The following TNFAIP3 variants were observed in gnomAD, a reference collection of about 807,000 sequenced individuals.
TNFAIP3 encodes the protein tumor necrosis factor alpha-induced protein 3.
In TNFAIP3, 9 loss-of-function variants were observed where a neutral mutation model predicts 72.4. The ratio of observed to expected loss-of-function variants is 0.12; its 90% CI spans 0.07 to 0.22. TNFAIP3 has a LOEUF of 0.22. Among genes scored for constraint, TNFAIP3 ranks in the 10% least tolerant of loss-of-function variants. The probability of loss-of-function intolerance (pLI) is 1.00; values close to 1 mark genes in which losing one functional copy is unlikely to be tolerated. For missense variants in TNFAIP3, 833 were observed against 1,018.7 expected (o/e 0.82, Z 2.48); for synonymous variants, 339 against 372.6 (o/e 0.91, Z 1.04).
chr6:137,870,463 C>T (rs377159012), intron 1 of TNFAIP3, among the ~76,000 whole-genome samples: 2 of 152,052 alleles, frequency 1.3e-5, no homozygotes, highest in South Asian at 2.1e-4. Flanking sequence ...AAGTCCGGTG[C>T]GGAGGTTCTG....
chr6:137,879,202 C>T lies in TNFAIP3; in HGVS notation c.1757C>T (p.Ala586Val), dbSNP rs756832433. 1.4e-5 allele frequency: 22 copies of T among 1,614,070 alleles called. 1 individual carries two copies. The South Asian group carries it at 2.4e-4, about 18-fold the overall frequency. Residue 586 changes from alanine to valine, a missense_variant, in exon 7 of 9, where the codon GCC becomes GTC. This residue lies in a region of TNFAIP3 where 587 missense variants were observed against 657.8 expected (regional missense o/e 0.89). Transcript: ENST00000612899. ...PHSCHRAGND[A>V]PAGCLSQAAR... ...TCTTGCCACAGAGCTGGAAACGACG[C>T]CCCTGCTGGCTGCCTGTCTCAAGCT...
At chr6:137,869,083 G>A (rs1385054200) in intron 1 of TNFAIP3, among the ~76,000 whole-genome samples, 3 of 152,192 alleles carry the variant, frequency 2.0e-5, no homozygotes, top group Non-Finnish European at 4.4e-5. Context: ...GTAGCCACAG[G>A]TTTGGTGTTG....
rs775454372 is a variant in TNFAIP3, at chr6:137,877,193, T to C, written c.923T>C (p.Met308Thr). ...GAGAAGCTCTTAAAAGAGTACTTAA[T>C]GGTGATAGAAATCCCCGTCCAAGGC... is the stretch of plus-strand genomic sequence containing the variant. ...MKEKLLKEYL[M>T]VIEIPVQGWD... Residue 308 changes from methionine to threonine, a missense_variant, in exon 6 of 9, where the codon ATG becomes ACG. Around this residue, in one of 2 missense-constraint regions of TNFAIP3, gnomAD observed 587 missense variants for 657.8 expected, o/e 0.89. Coordinates refer to ENST00000612899, the MANE Select transcript of TNFAIP3 (RefSeq NM_001270508.2). The C allele has an allele frequency of 6.2e-7, 1 of 1,614,020 alleles. No individual in the cohort carries two copies. Among genetic ancestry groups the C allele is most frequent in the South Asian group, 1.1e-5 (1 of 91,022 alleles).
chr6:137,878,724 C>T lies in TNFAIP3; in HGVS notation c.1279C>T (p.Pro427Ser). 6.2e-7 allele frequency: 1 copy of T among 1,614,104 alleles called. No homozygotes were observed. Among genetic ancestry groups the T allele is most frequent in the Non-Finnish European group, 8.5e-7 (1 of 1,180,034 alleles). ...CCCAAAGCTGAACTCCAAGCCGGGCCCTGAGGGGCTCCCTGGCATGGCGCT... is the reference window on the plus strand; with the variant it reads ...CCCAAAGCTGAACTCCAAGCCGGGCTCTGAGGGGCTCCCTGGCATGGCGCT... Reference protein sequence around the residue: ...KLPKLNSKPGPEGLPGMALGA... With the variant: ...KLPKLNSKPGSEGLPGMALGA... The change falls in exon 7 of 9, where the codon CCT becomes TCT. Residue 427 changes from proline (P) to serine (S), a missense_variant. Transcript: ENST00000612899.
chr6:137,876,936 C>T, intron 5 of TNFAIP3, 140 bp from the exon 6 acceptor site: 1 of 617,160 alleles, frequency 1.6e-6, no homozygotes. Context: ...TTTTGTTTTC[C>T]CATTTGGGTT....
At chr6:137,877,696 A>G (rs1423640652) in intron 6 of TNFAIP3, among the ~76,000 whole-genome samples, 1 of 152,230 alleles carries the variant, frequency 6.6e-6, no homozygotes, top group Non-Finnish European at 1.5e-5. Flanking sequence ...AGAATTGTTT[A>G]TGTTGCAGCT....
Position 137,882,294 on chromosome 6 carries a change from T to C in TNFAIP3, c.*975T>C, listed in dbSNP as rs1302386134. The stretch of plus-strand genomic sequence containing the variant: ...TTTTTAAAGGGAGCTCTAGTCCTTT[T>C]TGTGTAATTCACTTTATTTATTTTA... On this transcript the variant is annotated 3_prime_UTR_variant, in exon 9 of 9. Coordinates refer to ENST00000612899, the MANE Select transcript of TNFAIP3 (RefSeq NM_001270508.2). 1 of 231,832 alleles carries C rather than the reference T, an allele frequency of 4.3e-6. No individual in the cohort carries two copies. Among genetic ancestry groups the C allele is most frequent in the African/African-American group, 2.2e-5 (1 of 45,266 alleles). The allele number at this position is 231,832 out of a possible 1,614,324, so 14.4% of individuals were successfully genotyped here. A position where few individuals can be genotyped will look rare whatever the true frequency, so the allele number is the denominator to read the frequency against.
chr6:137,874,988 C>T lies in TNFAIP3; in HGVS notation c.439C>T (p.Leu147Phe), dbSNP rs1342868094. ...NFKFRWQLES[L>F]KSQEFVETGL... Reference sequence around the variant, plus strand: ...TAAATTCCGCTGGCAACTGGAGTCTCTCAAATCTCAGGAATTTGTTGAAAC... The same window carrying T: ...TAAATTCCGCTGGCAACTGGAGTCTTTCAAATCTCAGGAATTTGTTGAAAC... Residue 147 changes from leucine to phenylalanine, a missense_variant, in exon 3 of 9, where the codon CTC becomes TTC. Physicochemically the swap from Leu to Phe is conservative, Grantham distance 22. Around this residue, in one of 2 missense-constraint regions of TNFAIP3, gnomAD observed 246 missense variants for 360.9 expected, o/e 0.68. Transcript: ENST00000612899. 6.2e-7 allele frequency: 1 copy of T among 1,614,222 alleles called. No homozygotes were observed. The highest frequency in any genetic ancestry group is 1.1e-5 in the South Asian group (1 of 91,084).
chr6:137,878,324 T>C (rs1776320012), intron 6 of TNFAIP3, 108 bp from the exon 7 acceptor site: 2 of 987,672 alleles, frequency 2.0e-6, no homozygotes, highest in Non-Finnish European at 2.9e-6. Flanking sequence ...GGTTCTACAA[T>C]TCTTGCCATA....
At chr6:137,875,445 T>TG (rs1776213607) in intron 3 of TNFAIP3, among the ~76,000 whole-genome samples, 1 of 152,234 alleles carries the variant, frequency 6.6e-6, no homozygotes, top group East Asian at 1.9e-4. Flanking sequence ...TCAGGGATTT[T>TG]TTTTTAAAGC....
At chr6:137,877,008 G>A in intron 5 of TNFAIP3, 68 bp from the exon 6 acceptor site, 1 of 1,226,216 alleles carries the variant, frequency 8.2e-7, no homozygotes, top group South Asian at 1.7e-5. Context: ...TTTTCAAAAT[G>A]AGATCTACTT....
At position 137,875,673 on chromosome 6, in the gene TNFAIP3, C is replaced by A. The variant is rs1361259940; in HGVS notation, c.487-15C>A. On this transcript the variant is annotated splice_polypyrimidine_tract_variant and intron_variant, in intron 3 of 8. Coordinates refer to ENST00000612899, the MANE Select transcript of TNFAIP3 (RefSeq NM_001270508.2). ...AGGATACATTCAAGCTTTTTTTTCA[C>A]CCCGCTCCCCTTAGAACTGGAATGA... 1 of 1,609,532 alleles carries A rather than the reference C, an allele frequency of 6.2e-7. No homozygotes were observed. The highest frequency in any genetic ancestry group is 2.2e-5 in the East Asian group (1 of 44,858).
In TNFAIP3 at chr6:137,878,965, G is replaced by A. The variant is rs777284556; in HGVS notation, c.1520G>A (p.Ser507Asn). Residue 507 changes from serine (S) to asparagine (N), a missense_variant, in exon 7 of 9, where the codon AGC becomes AAC. Ser to Asn is a conservative substitution (Grantham distance 46). Around this residue, in one of 2 missense-constraint regions of TNFAIP3, gnomAD observed 587 missense variants for 657.8 expected, o/e 0.89. Transcript: ENST00000612899. ...RCHNARQLHA[S>N]HAPDHTRHLD... Reference sequence around the variant, plus strand: ...CACAACGCCCGGCAACTTCACGCCAGCCACGCCCCAGACCACACAAGGCAC... The same window carrying A: ...CACAACGCCCGGCAACTTCACGCCAACCACGCCCCAGACCACACAAGGCAC... The A allele has an allele frequency of 6.2e-6, 10 of 1,614,098 alleles. No homozygotes were observed. The East Asian group carries it at 8.9e-5, about 14-fold the overall frequency.
Position 137,871,146 on chromosome 6 carries a change from A to T in TNFAIP3, c.-15-67A>T, listed in dbSNP as rs2114455571. 6.9e-7 allele frequency: 1 copy of T among 1,442,334 alleles called. No individual in the cohort carries two copies. 89.3% of individuals were successfully genotyped at this position (1,442,334 alleles called of 1,614,324 possible). A position where few individuals can be genotyped will look rare whatever the true frequency, so the allele number is the denominator to read the frequency against. On this transcript the variant is annotated intron_variant, in intron 1 of 8. Coordinates refer to ENST00000612899, the MANE Select transcript of TNFAIP3 (RefSeq NM_001270508.2). This position sits in a 1 kb window ranked among gnomAD's most constrained non-coding sequence, Gnocchi z 4.2. ...TCAAACACTGGGGTTTCCTGCAGGC[A>T]GCTATAGAGGAGTCGTATTAAAGTC...
intron 1 of TNFAIP3, chr6:137,868,195 CG>C (rs1775910612): frequency 6.6e-6 from 1 of 152,482 alleles, no homozygotes; most frequent in Non-Finnish European, 1.5e-5. Context: ...CAGCTGGAGT[CG>C]TCCCACATCC....
At chr6:137,870,519 A>T (rs773087986) in intron 1 of TNFAIP3, among the ~76,000 whole-genome samples, 14 of 152,222 alleles carry the variant, frequency 9.2e-5, no homozygotes, top group Non-Finnish European at 1.8e-4. Flanking sequence ...CTTGCTGGAA[A>T]TGGACTTTTT....
rs569818158 is a variant in TNFAIP3, at chr6:137,878,283, C to G, written c.987-149C>G. Reference sequence around the variant, plus strand: ...GATCATGTTGCGTGAAAAGTGTGAGCTCTTCATCACAGGCCTGCATTTCAG... The same window carrying G: ...GATCATGTTGCGTGAAAAGTGTGAGGTCTTCATCACAGGCCTGCATTTCAG... On this transcript the variant is annotated intron_variant, in intron 6 of 8. Transcript: ENST00000612899. The G allele has an allele frequency of 5.9e-6, 4 of 675,502 alleles. No individual in the cohort carries two copies. In the Admixed American group the frequency reaches 1.2e-4, roughly 20 times the overall value. The allele number at this position is 675,502 out of a possible 1,614,324, so 41.8% of individuals were successfully genotyped here.
chr6:137,868,619 A>G (rs1047901713), intron 1 of TNFAIP3, among the ~76,000 whole-genome samples: 4 of 152,152 alleles, frequency 2.6e-5, no homozygotes, highest in Non-Finnish European at 4.4e-5. Flanking sequence ...GAAGAGTTTG[A>G]GTAACGGAGA....
Position 137,881,021 on chromosome 6 carries a change from T to A in TNFAIP3, c.2089-14T>A. The A allele has an allele frequency of 6.3e-7, 1 of 1,579,620 alleles. No individual in the cohort carries two copies. Among genetic ancestry groups the A allele is most frequent in the Non-Finnish European group, 8.6e-7 (1 of 1,160,878 alleles). On this transcript the variant is annotated splice_polypyrimidine_tract_variant and intron_variant, in intron 8 of 8. Coordinates refer to ENST00000612899, the MANE Select transcript of TNFAIP3 (RefSeq NM_001270508.2). The surrounding 1 kb of genome is among the most constrained non-coding windows in gnomAD (Gnocchi z 5.0). Reference sequence around the variant, plus strand: ...TCCTGACTTTTTAATGATCTGCCTGTTCTTTCCACTCAGAGATCGAGCCAG... The same window carrying A: ...TCCTGACTTTTTAATGATCTGCCTGATCTTTCCACTCAGAGATCGAGCCAG...
Sources: allele counts gnomAD v4.1 joint callset (sites outside exome capture counted in the v4.1 genomes callset), GRCh38; gene constraint gnomAD v4.1.1; regional missense constraint gnomAD v4.1.1; non-coding constraint Gnocchi (gnomAD v3.1); transcripts MANE v1.5; gene names NCBI Gene and HGNC (gene_info 2026-07-23, HGNC 2026-07-21).